The following TMC8 variants were observed in gnomAD, a reference collection of about 807,000 sequenced individuals.
The protein encoded by TMC8 is transmembrane channel-like protein 8.
In TMC8, 71 loss-of-function variants were observed where a neutral mutation model predicts 76.0. The ratio of observed to expected loss-of-function variants is 0.93; its 90% CI spans 0.77 to 1.14. The LOEUF is 1.14. TMC8 is among the 50% of genes most tolerant of loss of function. The probability of loss-of-function intolerance (pLI) is 0.00; values close to 1 mark genes in which losing one functional copy is unlikely to be tolerated. For synonymous variants in TMC8, 433 were observed against 433.8 expected (o/e 1.00, Z 0.02); for missense variants, 924 against 947.9 (o/e 0.97, Z 0.33).
rs1197532281 is a variant in TMC8 at position 78,142,051 on chromosome 17, C to T, written c.*939C>T. The T allele has an allele frequency of 6.5e-6, 1 of 152,796 alleles. No homozygotes were observed. The highest frequency in any genetic ancestry group is 1.5e-5 in the Non-Finnish European group (1 of 68,394). 9.5% of individuals were successfully genotyped at this position (152,796 alleles called of 1,614,324 possible). The stretch of plus-strand genomic sequence containing the variant: ...AGGCAGCTGGCCACAAGGGCAGGGC[C>T]CGGCCCCCCTCCCAAGGCTGTGTCT... On this transcript the variant is annotated 3_prime_UTR_variant, in exon 16 of 16. Coordinates refer to ENST00000318430, the MANE Select transcript of TMC8 (RefSeq NM_152468.5).
chr17:78,131,273 T>G lies in TMC8; in HGVS notation c.-308-8T>G. On this transcript the variant is annotated splice_polypyrimidine_tract_variant and splice_region_variant and intron_variant, in intron 1 of 15. Transcript: ENST00000318430. ...TGTGCCCTTTGGATCTTTCACCCCA[T>G]TTGACAGATGGGGAGACTGAGGCCG... 7 of 489,420 alleles carry G rather than the reference T, an allele frequency of 1.4e-5. No individual in the cohort carries two copies. Among genetic ancestry groups the G allele is most frequent in the African/African-American group, 2.0e-5 (1 of 50,756 alleles). 30.3% of individuals were successfully genotyped at this position (489,420 alleles called of 1,614,324 possible). A position where few individuals can be genotyped will look rare whatever the true frequency, so the allele number is the denominator to read the frequency against.
chr17:78,131,898 G>C lies in TMC8; in HGVS notation c.166G>C (p.Ala56Pro), dbSNP rs1044475107. 29 of 1,469,392 alleles carry C rather than the reference G, an allele frequency of 2.0e-5. No individual in the cohort carries two copies. The highest frequency in any genetic ancestry group is 2.5e-5 in the Non-Finnish European group (28 of 1,117,160). The allele number at this position is 1,469,392 out of a possible 1,614,324, so 91.0% of individuals were successfully genotyped here. The part of the protein sequence containing the change: ...KRLIWQLREP[A>P]GVQTLRWQRW... ...CCCGTCCAGGCAGCTGCGGGAGCCC[G>C]CGGGGGTGCAGACCTTGCGCTGGCA... Residue 56 changes from alanine (A) to proline (P), a missense_variant, in exon 3 of 16, where the codon GCG (alanine) becomes CCG (proline). Coordinates refer to ENST00000318430, the MANE Select transcript of TMC8 (RefSeq NM_152468.5).
At position 78,137,349 on chromosome 17, in the gene TMC8, T is replaced by C. The variant is rs766011481; in HGVS notation, c.1242T>C (p.Cys414=). 1.5e-5 allele frequency: 24 copies of C among 1,613,972 alleles called. No homozygotes were observed. The highest frequency in any genetic ancestry group is 1.7e-5 in the Non-Finnish European group (20 of 1,180,004). ...GTGAGTCCTACGGCTACAACGTTTGTGACTATCAGGTGGCTGGCAGCCCGG... is the reference window on the plus strand; with the variant it reads ...GTGAGTCCTACGGCTACAACGTTTGCGACTATCAGGTGGCTGGCAGCCCGG... ...SSCESYGYNV[C]DYQCWENSVG... is the part of the protein sequence containing the mutation. Residue 414 remains cysteine (C), a synonymous_variant, in exon 10 of 16, where the codon TGT becomes TGC. Transcript: ENST00000318430.
In TMC8 at chr17:78,135,007, C is replaced by T. The variant is rs749442048; in HGVS notation, c.1125C>T (p.Ile375=). The change falls in exon 9 of 16, where the codon ATC becomes ATT. Residue 375 remains isoleucine, a splice_region_variant and synonymous_variant. Transcript: ENST00000318430. ...ACACGGAGGTCAACCTCACTCTGAT[C>T]TGGTGAGTGCCACCCTTGGTGGGGA... ...PPNTEVNLTL[I]WCVVLKLASL... 6.2e-7 allele frequency: 1 copy of T among 1,614,024 alleles called. No individual in the cohort carries two copies. The highest frequency in any genetic ancestry group is 1.1e-5 in the South Asian group (1 of 91,084).
At position 78,133,435 on chromosome 17, in the gene TMC8, T is replaced by G; in HGVS notation, c.561T>G (p.Gly187=). The G allele has an allele frequency of 6.2e-7, 1 of 1,613,778 alleles. No individual in the cohort carries two copies. The stretch of plus-strand genomic sequence containing the variant: ...TCACCAACACCTATCTCTTCTACGG[T>G]GCGTACCGAGTGGGGCCGGAGAGCA... ...RAFTNTYLFY[G]AYRVGPESSS... The change falls in exon 6 of 16, where the codon GGT becomes GGG. Residue 187 remains glycine, a synonymous_variant. Coordinates refer to ENST00000318430, the MANE Select transcript of TMC8 (RefSeq NM_152468.5).
At position 78,140,896 on chromosome 17, in the gene TMC8, G is replaced by A; in HGVS notation, c.1965G>A (p.Pro655=). 2 of 1,608,930 alleles carry A rather than the reference G, an allele frequency of 1.2e-6. No homozygotes were observed. Among genetic ancestry groups the A allele is most frequent in the South Asian group, 2.2e-5 (2 of 90,198 alleles). The change falls in exon 16 of 16, where the codon CCG becomes CCA. Residue 655 remains proline (P), a synonymous_variant. Transcript: ENST00000318430. ...DLSRLLPEPG[P]SDSPGPKYPA... is the part of the protein sequence containing the mutation. ...CGCGACTGCTGCCGGAGCCAGGCCC[G>A]AGCGACTCTCCGGGCCCCAAGTACC...
At chr17:78,135,148 A>T in intron 9 of TMC8, 139 bp downstream of exon 9, 1 of 1,112,720 alleles carries the variant, frequency 9.0e-7, no homozygotes, top group Non-Finnish European at 1.3e-6. Context: ...GAAGGCAGGT[A>T]CACACCTCAC....
At chr17:78,138,804 A>G (rs2075301949) in intron 14 of TMC8, 72 bp downstream of exon 14, 1 of 1,590,914 alleles carries the variant, frequency 6.3e-7, no homozygotes, top group African/African-American at 1.3e-5. Context: ...GGGGGTGGTG[A>G]GCCTGTGCAC....
In TMC8 at chr17:78,132,560, G is replaced by A. The variant is rs540816307; in HGVS notation, c.448+52G>A. On this transcript the variant is annotated intron_variant, in intron 4 of 15. Coordinates refer to ENST00000318430, the MANE Select transcript of TMC8 (RefSeq NM_152468.5). ...TGCTCCGGTGCCCACCTGCGCCATG[G>A]GGGGGCTGGCCCAGGGCCCAGAGCG... is the stretch of plus-strand genomic sequence containing the variant. 159 of 1,579,818 alleles carry A rather than the reference G, an allele frequency of 1.0e-4. 2 individuals are homozygous for A. The South Asian group carries it at 1.7e-3, about 17-fold the overall frequency.
rs2075378836 is a variant in TMC8 at position 78,141,909 on chromosome 17, G to A, written c.*797G>A. ...GCCGTGTTCTCCCAGCCTGCTTCATGGCTCCCTGGTTGAGCCAAGCTTGCG... is the reference window on the plus strand; with the variant it reads ...GCCGTGTTCTCCCAGCCTGCTTCATAGCTCCCTGGTTGAGCCAAGCTTGCG... On this transcript the variant is annotated 3_prime_UTR_variant, in exon 16 of 16. Coordinates refer to ENST00000318430, the MANE Select transcript of TMC8 (RefSeq NM_152468.5). 2 of 152,440 alleles carry A rather than the reference G, an allele frequency of 1.3e-5. No homozygotes were observed. Among genetic ancestry groups the A allele is most frequent in the African/African-American group, 4.8e-5 (2 of 41,468 alleles). The allele number at this position is 152,440 out of a possible 1,614,324, so 9.4% of individuals were successfully genotyped here.
At chr17:78,137,197 G>T (rs200092158) in intron 9 of TMC8, 38 bp from the exon 10 acceptor site, 2 of 1,611,876 alleles carry the variant, frequency 1.2e-6, no homozygotes, top group East Asian at 2.2e-5. Flanking sequence ...GTGCCCATGT[G>T]CCTGGGCCCC....
chr17:78,132,727 C>G, intron 4 of TMC8, 61 bp from the exon 5 acceptor site: 3 of 1,573,002 alleles, frequency 1.9e-6, no homozygotes, highest in Non-Finnish European at 2.6e-6. Flanking sequence ...AGAGCAGTAG[C>G]CGCAGAGCCT....
In TMC8 at chr17:78,141,072, C is replaced by G. The variant is rs1347415020; in HGVS notation, c.2141C>G (p.Ser714Cys). 4 of 1,588,878 alleles carry G rather than the reference C, an allele frequency of 2.5e-6. No individual in the cohort carries two copies. The highest frequency in any genetic ancestry group is 2.2e-5 in the South Asian group (2 of 89,590). Residue 714 changes from serine (S) to cysteine (C), a missense_variant, in exon 16 of 16, where the codon TCC (serine) becomes TGC (cysteine). Physicochemically the swap from Ser to Cys is moderately radical, Grantham distance 112. Coordinates refer to ENST00000318430, the MANE Select transcript of TMC8 (RefSeq NM_152468.5). ...PCPGQHGAPASARRFRFPSGA... is the reference protein window; with the variant it reads ...PCPGQHGAPACARRFRFPSGA... ...CCTGGACAGCACGGTGCCCCGGCCTCCGCCCGCAGATTCCGCTTCCCCAGC... is the reference window on the plus strand; with the variant it reads ...CCTGGACAGCACGGTGCCCCGGCCTGCGCCCGCAGATTCCGCTTCCCCAGC...
At chr17:78,132,245 C>A (rs1288663912) in intron 3 of TMC8, 114 bp from the exon 4 acceptor site, 1 of 1,423,424 alleles carries the variant, frequency 7.0e-7, no homozygotes, top group Non-Finnish European at 9.7e-7. Context: ...CGGACTCGGG[C>A]GGGTGGGAGC....
Position 78,132,343 on chromosome 17 carries a change from T to C in TMC8, c.299-16T>C. ...CGGCCCCGGCCTCCCTGACCCACCC[T>C]GCTCTCCCACTGCAGGCCTCTTCGG... On this transcript the variant is annotated splice_polypyrimidine_tract_variant and intron_variant, in intron 3 of 15. Transcript: ENST00000318430. 1.9e-6 allele frequency: 3 copies of C among 1,607,248 alleles called. No homozygotes were observed. Among genetic ancestry groups the C allele is most frequent in the East Asian group, 4.5e-5 (2 of 44,638 alleles).
chr17:78,133,321 CG>C, intron 5 of TMC8, 84 bp from the exon 6 acceptor site: 2 of 1,603,548 alleles, frequency 1.2e-6, no homozygotes, highest in Non-Finnish European at 8.5e-7. Context: ...GGGGATTGCA[CG>C]GGGGCTAACA....
Position 78,131,471 on chromosome 17 carries a change from C to CTTCCGTGCACAGAG in TMC8, c.-118_-117insTTCCGTGCACAGAG. The CTTCCGTGCACAGAG allele has an allele frequency of 7.0e-7, 1 of 1,428,152 alleles. No homozygotes were observed. The highest frequency in any genetic ancestry group is 2.0e-5 in the Admixed American group (1 of 50,458). 88.5% of individuals were successfully genotyped at this position (1,428,152 alleles called of 1,614,324 possible). On this transcript the variant is annotated 5_prime_UTR_variant, in exon 2 of 16. The change abolishes the stop of an existing upstream ORF in the 5' untranslated region. Coordinates refer to ENST00000318430, the MANE Select transcript of TMC8 (RefSeq NM_152468.5). The stretch of plus-strand genomic sequence containing the variant: ...CCGGCGCAGAGGGGACGGAAGGGCC[C>CTTCCGTGCACAGAG]GCCCCCAGCCCAGCGTGCACAGAGG...
chr17:78,133,944 A>C lies in TMC8; in HGVS notation c.760A>C (p.Ile254Leu). Reference sequence around the variant, plus strand: ...GGTCTTCTCCTCATGGGACTTCTGCATCCGGGTGCAGGAAGCAGCCACCAT... The same window carrying C: ...GGTCTTCTCCTCATGGGACTTCTGCCTCCGGGTGCAGGAAGCAGCCACCAT... Reference protein sequence around the residue: ...AKVFSSWDFCIRVQEAATIKK... With the variant: ...AKVFSSWDFCLRVQEAATIKK... The change falls in exon 7 of 16, where the codon ATC becomes CTC. Residue 254 changes from isoleucine (I) to leucine (L), a missense_variant. Physicochemically the swap from Ile to Leu is conservative, Grantham distance 5. Coordinates refer to ENST00000318430, the MANE Select transcript of TMC8 (RefSeq NM_152468.5). The C allele has an allele frequency of 6.2e-7, 1 of 1,613,660 alleles. No individual in the cohort carries two copies. The highest frequency in any genetic ancestry group is 8.5e-7 in the Non-Finnish European group (1 of 1,180,034).
rs1314713220 is a variant in TMC8, at chr17:78,131,735, C to G, written c.147C>G (p.Ile49Met). ...ATGCCATGATGGACAAGCGCCTCAT[C>G]TGGTGGGTGCCACGCGGGCGCCAGA... The part of the protein sequence containing the change: ...LPYAMMDKRL[I>M]WQLREPAGVQ... The change falls in exon 2 of 16, where the codon ATC becomes ATG. Residue 49 changes from isoleucine to methionine, a missense_variant and splice_region_variant. Coordinates refer to ENST00000318430, the MANE Select transcript of TMC8 (RefSeq NM_152468.5). 2.5e-6 allele frequency: 4 copies of G among 1,582,092 alleles called. No individual in the cohort carries two copies. In the South Asian group the frequency reaches 4.6e-5, roughly 18 times the overall value.
Sources: allele counts gnomAD v4.1 joint callset, GRCh38; gene constraint gnomAD v4.1.1; transcripts MANE v1.5; gene names NCBI Gene and HGNC (gene_info 2026-07-23, HGNC 2026-07-21).